The following SLC2A13 variants were observed in gnomAD, a reference collection of about 807,000 sequenced individuals.
SLC2A13 encodes proton myo-inositol cotransporter.
In SLC2A13, 32 loss-of-function variants were observed where a neutral mutation model predicts 64.4. The observed-to-expected ratio is 0.50, with a 90% CI of 0.37 to 0.67. The LOEUF (loss-of-function observed/expected upper bound fraction) is 0.67, where lower values mean the gene tolerates loss of function less well. SLC2A13 is among the 30% of genes least tolerant of loss of function. SLC2A13 has a pLI of 0.00. For missense variants in SLC2A13, 743 were observed against 829.2 expected (o/e 0.90, Z 1.28); for synonymous variants, 338 against 327.1 (o/e 1.03, Z -0.36).
rs1565528345 is a variant in SLC2A13, at chr12:39,896,412, GTATGTATA to G, written c.1035-24459_1035-24452del. Among the ~76,000 whole-genome samples, 38 of 132,352 alleles carry G rather than the reference GTATGTATA, an allele frequency of 2.9e-4. 2 individuals carry two copies. The highest frequency in any genetic ancestry group is 1.1e-3 in the African/African-American group (35 of 32,072). 86.8% of individuals were successfully genotyped at this position (132,352 alleles called of 152,430 possible). On this transcript the variant is annotated intron_variant, in intron 4 of 9. Transcript: ENST00000280871. ...TATGTGTATATATGTATACATATAT[GTATGTATA>G]TGTGTATATATGTATACATATATGT...
intron 6 of SLC2A13, among the ~76,000 whole-genome samples, chr12:39,832,490 A>C (rs1942883209): frequency 1.3e-5 from 2 of 152,054 alleles, no homozygotes; most frequent in Non-Finnish European, 2.9e-5. Context: ...CAGGCATATG[A>C]GATGTCATCC....
intron 4 of SLC2A13, among the ~76,000 whole-genome samples, chr12:39,945,330 C>T (rs1171806343): frequency 6.6e-6 from 1 of 152,010 alleles, no homozygotes; most frequent in Admixed American, 6.6e-5. Context: ...TGATAATGTG[C>T]CTAGGTGAAG....
intron 3 of SLC2A13, among the ~76,000 whole-genome samples, chr12:39,970,517 C>T (rs935544404): frequency 6.6e-6 from 1 of 152,150 alleles, no homozygotes; most frequent in Admixed American, 6.5e-5. Context: ...CCTCCTCTAA[C>T]ATTTCTTTGT....
chr12:39,995,434 T>A (rs927373474), intron 3 of SLC2A13, among the ~76,000 whole-genome samples: 2 of 151,990 alleles, frequency 1.3e-5, no homozygotes, highest in Non-Finnish European at 2.9e-5. Context: ...CATCCTCCAG[T>A]AACCACCATT....
intron 3 of SLC2A13, among the ~76,000 whole-genome samples, chr12:40,007,582 AAAGGGTATCCTTATAT>A (rs1947447137): frequency 2.0e-5 from 3 of 152,188 alleles, no homozygotes; most frequent in African/African-American, 7.2e-5. Flanking sequence ...TGATGATGGA[AAAGGGTATCCTTATAT>A]AGTACATTGA....
intron 9 of SLC2A13, among the ~76,000 whole-genome samples, chr12:39,762,028 C>T (rs1940171882): frequency 6.6e-6 from 1 of 152,008 alleles, no homozygotes. Context: ...GACCTGGATT[C>T]CCAAAGCTGA....
At chr12:39,787,381 A>T (rs1941229345) in intron 7 of SLC2A13, among the ~76,000 whole-genome samples, 1 of 152,212 alleles carries the variant, frequency 6.6e-6, no homozygotes, top group African/African-American at 2.4e-5. Flanking sequence ...CAAGGACAGA[A>T]AGGAATACTT....
intron 1 of SLC2A13, among the ~76,000 whole-genome samples, chr12:40,060,881 T>C (rs1326650866): frequency 6.6e-6 from 1 of 152,138 alleles, no homozygotes; most frequent in Non-Finnish European, 1.5e-5. Context: ...AACAGTTATC[T>C]TGTGGTGCAT....
chr12:40,027,950 A>G (rs1309160954), intron 3 of SLC2A13, among the ~76,000 whole-genome samples: 1 of 152,186 alleles, frequency 6.6e-6, no homozygotes, highest in Non-Finnish European at 1.5e-5. Flanking sequence ...CAATGAATTA[A>G]ATATTTTAAT....
chr12:39,830,588 G>T, intron 6 of SLC2A13: 1 of 587,688 alleles, frequency 1.7e-6, no homozygotes, highest in Non-Finnish European at 2.2e-6. Flanking sequence ...ATCCAGCCCT[G>T]ACTGGTTCCA....
At chr12:39,809,346 G>A (rs1413088113) in intron 7 of SLC2A13, among the ~76,000 whole-genome samples, 1 of 152,070 alleles carries the variant, frequency 6.6e-6, no homozygotes, top group Non-Finnish European at 1.5e-5. Context: ...GATAGGGCAT[G>A]TCTTTCTTTT....
At chr12:39,985,168 A>T (rs780646203) in intron 3 of SLC2A13, among the ~76,000 whole-genome samples, 39 of 152,052 alleles carry the variant, frequency 2.6e-4, no homozygotes, top group Admixed American at 5.2e-4. Flanking sequence ...ATCTCCAAAC[A>T]CTGTCTCGAG....
intron 1 of SLC2A13, among the ~76,000 whole-genome samples, chr12:40,081,154 T>A (rs1317878054): frequency 6.6e-6 from 1 of 152,246 alleles, no homozygotes; most frequent in Non-Finnish European, 1.5e-5. Flanking sequence ...TCACATTGAC[T>A]TTGGAGAATC....
Position 40,105,986 on chromosome 12 carries a change from C to A in SLC2A13, c.-178G>T. 1.5e-6 allele frequency: 1 copy of A among 686,642 alleles called. No individual in the cohort carries two copies. The highest frequency in any genetic ancestry group is 3.9e-5 in the South Asian group (1 of 25,860). 42.5% of individuals were successfully genotyped at this position (686,642 alleles called of 1,614,324 possible). On this transcript the variant is annotated 5_prime_UTR_variant, in exon 1 of 10. Coordinates refer to ENST00000280871, the MANE Select transcript of SLC2A13 (RefSeq NM_052885.4). This position sits in a 1 kb window ranked among gnomAD's most constrained non-coding sequence, Gnocchi z 4.2. Reference sequence around the variant, plus strand: ...CACGGCCGCTCCGGGGAGAAAGTTGCTGCCCGCCGCGCTCCGACGCTGCGG... The same window carrying A: ...CACGGCCGCTCCGGGGAGAAAGTTGATGCCCGCCGCGCTCCGACGCTGCGG...
intron 4 of SLC2A13, among the ~76,000 whole-genome samples, chr12:39,873,803 G>A (rs1467233482): frequency 3.3e-5 from 5 of 152,138 alleles, no homozygotes; most frequent in Admixed American, 3.3e-4. Context: ...GCTATACAAA[G>A]TATTTTAGGT....
chr12:39,796,090 T>C (rs545116681), intron 7 of SLC2A13, among the ~76,000 whole-genome samples: 2 of 152,232 alleles, frequency 1.3e-5, no homozygotes, highest in East Asian at 3.9e-4. Context: ...TGTGTATGGA[T>C]TTGCTTATTA....
intron 3 of SLC2A13, among the ~76,000 whole-genome samples, chr12:40,021,444 A>G (rs1472636656): frequency 6.6e-6 from 1 of 152,230 alleles, no homozygotes; most frequent in Non-Finnish European, 1.5e-5. Context: ...AAAACTGAAC[A>G]GAGTTGTGTA....
intron 6 of SLC2A13, among the ~76,000 whole-genome samples, chr12:39,858,964 A>G (rs1943681527): frequency 6.6e-6 from 1 of 152,172 alleles, no homozygotes; most frequent in Non-Finnish European, 1.5e-5. Context: ...ACAGTCTTAC[A>G]GTGCTCATGT....
At chr12:39,959,917 C>T (rs1411867864) in intron 3 of SLC2A13, among the ~76,000 whole-genome samples, 1 of 152,180 alleles carries the variant, frequency 6.6e-6, no homozygotes, top group African/African-American at 2.4e-5. Flanking sequence ...TACCAACCAA[C>T]CCATCACCTA....
Sources: allele counts gnomAD v4.1 joint callset (sites outside exome capture counted in the v4.1 genomes callset), GRCh38; gene constraint gnomAD v4.1.1; non-coding constraint Gnocchi (gnomAD v3.1); transcripts MANE v1.5; gene names NCBI Gene and HGNC (gene_info 2026-07-23, HGNC 2026-07-21).